The following TARS3 variants were observed in gnomAD, a reference collection of about 807,000 sequenced individuals.
TARS3 encodes the protein threonine--tRNA ligase 2, cytoplasmic.
A neutral mutation model predicts 103.5 loss-of-function variants in TARS3; 94 were observed. That is an observed-to-expected ratio of 0.91 (90% CI 0.77 to 1.08). The LOEUF is 1.08. TARS3 is among the 50% of genes least tolerant of loss of function. The probability of loss-of-function intolerance (pLI) is 0.00; values close to 1 mark genes in which losing one functional copy is unlikely to be tolerated. For synonymous variants in TARS3, 416 were observed against 355.4 expected (o/e 1.17, Z -1.92); for missense variants, 952 against 995.2 (o/e 0.96, Z 0.58).
intron 2 of TARS3, among the ~76,000 whole-genome samples, chr15:101,722,219 T>C (rs1464774372): frequency 2.4e-4 from 16 of 65,842 alleles, no homozygotes; most frequent in Non-Finnish European, 7.9e-4. Flanking sequence ...GCATCTCCCT[T>C]TTTTTTTTTT....
intron 13 of TARS3, among the ~76,000 whole-genome samples, chr15:101,673,424 C>A (rs183217549): frequency 1.4e-4 from 21 of 152,358 alleles, no homozygotes; most frequent in African/African-American, 4.8e-4. Context: ...ATGCCTAACA[C>A]TCCATGTAAA....
intron 3 of TARS3, among the ~76,000 whole-genome samples, chr15:101,719,578 A>T (rs1478198093): frequency 6.6e-6 from 1 of 152,222 alleles, no homozygotes; most frequent in African/African-American, 2.4e-5. Context: ...ATTCTCTCTT[A>T]CAGCTAGGCA....
At chr15:101,704,927 A>G (rs1193981333) in intron 7 of TARS3, among the ~76,000 whole-genome samples, 2 of 152,160 alleles carry the variant, frequency 1.3e-5, no homozygotes, top group African/African-American at 2.4e-5. Context: ...GTACAATTAA[A>G]CCAGAGAACC....
At chr15:101,658,254 G>A (rs929050072) in intron 16 of TARS3, among the ~76,000 whole-genome samples, 2 of 151,088 alleles carry the variant, frequency 1.3e-5, no homozygotes, top group African/African-American at 4.9e-5. Context: ...ATGTCCTTTA[G>A]CGGGTGAATG....
chr15:101,655,101 C>T (rs1395621923), intron 18 of TARS3, among the ~76,000 whole-genome samples: 1 of 148,850 alleles, frequency 6.7e-6, no homozygotes, highest in Non-Finnish European at 1.5e-5. Context: ...CTCTTACAGG[C>T]TCACACTGAC....
At chr15:101,683,209 A>G (rs576539487) in intron 12 of TARS3, among the ~76,000 whole-genome samples, 1 of 151,774 alleles carries the variant, frequency 6.6e-6, no homozygotes, top group East Asian at 1.9e-4. Context: ...TAAGTCATTG[A>G]TTTTTCTTTT....
At chr15:101,715,825 A>G (rs1900129425) in intron 3 of TARS3, among the ~76,000 whole-genome samples, 1 of 152,218 alleles carries the variant, frequency 6.6e-6, no homozygotes, top group African/African-American at 2.4e-5. Flanking sequence ...CATCCACAGA[A>G]TTGGAATTAC....
intron 10 of TARS3, among the ~76,000 whole-genome samples, chr15:101,691,209 G>C (rs529781105): frequency 9.5e-4 from 145 of 151,984 alleles, no homozygotes; most frequent in Non-Finnish European, 1.8e-3. Flanking sequence ...AAAGTGCTGG[G>C]ATTACAGGCA....
chr15:101,711,968 C>T lies in TARS3; in HGVS notation c.724G>A (p.Glu242Lys), dbSNP rs1376692079. The change falls in exon 5 of 19, where the codon GAG becomes AAG. Residue 242 changes from glutamate to lysine, a missense_variant. This residue lies in a region of TARS3 where 412 missense variants were observed against 364.2 expected (regional missense o/e 1.13). Transcript: ENST00000335968. Reference protein sequence around the residue: ...YWHSSAHILGEAMELYYGGHL... With the variant: ...YWHSSAHILGKAMELYYGGHL... The stretch of plus-strand genomic sequence containing the variant: ...CCTCCATAGTAAAGCTCCATGGCCT[C>T]CCCAAGAATGTGAGCACTGGAGTGC... 6.2e-7 allele frequency: 1 copy of T among 1,613,754 alleles called. No homozygotes were observed. Among genetic ancestry groups the T allele is most frequent in the African/African-American group, 1.3e-5 (1 of 74,918 alleles).
chr15:101,666,474 C>CAAAAAAA (rs11450994), intron 15 of TARS3, among the ~76,000 whole-genome samples: 8 of 45,594 alleles, frequency 1.8e-4, no homozygotes, highest in African/African-American at 2.4e-4. Context: ...AGACTCATCT[C>CAAAAAAA]AAAAAAAAAA....
chr15:101,718,338 G>A (rs1397729515), intron 3 of TARS3, among the ~76,000 whole-genome samples: 2 of 151,936 alleles, frequency 1.3e-5, no homozygotes, highest in African/African-American at 2.4e-5. Context: ...AAGGGGCGGG[G>A]TGGAGGTGGG....
intron 5 of TARS3, among the ~76,000 whole-genome samples, chr15:101,710,549 T>A (rs910006656): frequency 6.6e-6 from 1 of 152,182 alleles, no homozygotes; most frequent in Non-Finnish European, 1.5e-5. Flanking sequence ...ATTAGACACC[T>A]CATTGGTGTC....
Position 101,656,910 on chromosome 15 carries a change from AAC to A in TARS3, c.2260+10_2260+11del. The A allele has an allele frequency of 6.4e-7, 1 of 1,558,324 alleles. No individual in the cohort carries two copies. Among genetic ancestry groups the A allele is most frequent in the Non-Finnish European group, 8.8e-7 (1 of 1,138,560 alleles). Reference sequence around the variant, plus strand: ...AAAAGCATTTGGAAAAATATATACAAACTTAAATTACCCAAAATAAAATTATA... The same window carrying A: ...AAAAGCATTTGGAAAAATATATACAATTAAATTACCCAAAATAAAATTATA... On this transcript the variant is annotated intron_variant, in intron 18 of 18. Transcript: ENST00000335968.
intron 1 of TARS3, 125 bp from the exon 2 acceptor site, chr15:101,723,289 C>A (rs2141464406): frequency 2.7e-6 from 2 of 745,890 alleles, no homozygotes; most frequent in Non-Finnish European, 2.3e-6. Flanking sequence ...GCTCTCCTGA[C>A]CACCAGCTAC....
chr15:101,659,559 A>C (rs1175523125), intron 16 of TARS3, among the ~76,000 whole-genome samples: 3 of 152,104 alleles, frequency 2.0e-5, no homozygotes, highest in East Asian at 1.9e-4. Flanking sequence ...GCGACAAAGG[A>C]AGGCATGCTC....
intron 11 of TARS3, among the ~76,000 whole-genome samples, chr15:101,685,183 A>G (rs1328788111): frequency 6.6e-6 from 1 of 152,202 alleles, no homozygotes; most frequent in African/African-American, 2.4e-5. Flanking sequence ...ATTTACTTGA[A>G]ACTATGTATG....
chr15:101,686,002 G>A lies in TARS3; in HGVS notation c.1381C>T (p.Leu461Phe). Residue 461 changes from leucine (L) to phenylalanine (F), a missense_variant, in exon 11 of 19, where the codon CTC becomes TTC. Coordinates refer to ENST00000335968, the MANE Select transcript of TARS3 (RefSeq NM_152334.3). ...VLSPNMYNSK[L>F]WEASGHWQHY... ...TGCCAGTGGCCTGAGGCTTCCCAGAGTTTACTGTTGTACATATTGGGAGAG... is the reference window on the plus strand; with the variant it reads ...TGCCAGTGGCCTGAGGCTTCCCAGAATTTACTGTTGTACATATTGGGAGAG... 6.2e-7 allele frequency: 1 copy of A among 1,614,024 alleles called. No individual in the cohort carries two copies. The highest frequency in any genetic ancestry group is 1.3e-5 in the African/African-American group (1 of 75,050).
intron 12 of TARS3, among the ~76,000 whole-genome samples, chr15:101,681,407 A>G (rs977817819): frequency 2.6e-5 from 4 of 152,208 alleles, no homozygotes; most frequent in Non-Finnish European, 5.9e-5. Context: ...CCAAACCACG[A>G]ACAAGGTATA....
chr15:101,719,029 G>A (rs1363618690), intron 3 of TARS3, among the ~76,000 whole-genome samples: 6 of 152,268 alleles, frequency 3.9e-5, no homozygotes, highest in South Asian at 2.1e-4. Context: ...GGACAACTCC[G>A]AACTTCCCAA....
Sources: allele counts gnomAD v4.1 joint callset (sites outside exome capture counted in the v4.1 genomes callset), GRCh38; gene constraint gnomAD v4.1.1; regional missense constraint gnomAD v4.1.1; transcripts MANE v1.5; gene names NCBI Gene and HGNC (gene_info 2026-07-23, HGNC 2026-07-21).